AGPS: variants seen among roughly 807,000 people sequenced by gnomAD.
AGPS encodes alkylglycerone phosphate synthase.
AGPS carries 26 observed loss-of-function variants against 90.7 expected under a neutral mutation model. That is an observed-to-expected ratio of 0.29 (90% CI 0.21 to 0.40). AGPS has a LOEUF of 0.40. Ranked by LOEUF, AGPS falls within the 10% of genes least tolerant of loss-of-function variation. AGPS has a pLI of 1.00. For missense variants in AGPS, 540 were observed against 816.1 expected, an observed-to-expected ratio of 0.66 and a Z score of 4.12; for synonymous variants, 294 against 285.3, an observed-to-expected ratio of 1.03 and a Z score of -0.31.
intron 16 of AGPS, among the ~76,000 whole-genome samples, chr2:177,509,111 T>C (rs1688791344): frequency 6.6e-6 from 1 of 152,220 alleles, no homozygotes; most frequent in African/African-American, 2.4e-5. Flanking sequence ...TCCCTCTTTT[T>C]TCCCCCAGAA....
intron 12 of AGPS, among the ~76,000 whole-genome samples, chr2:177,496,141 T>C (rs1419989329): frequency 1.3e-5 from 2 of 152,172 alleles, no homozygotes; most frequent in African/African-American, 4.8e-5. Context: ...TCTACTAGCA[T>C]TAATGGAAAT....
At chr2:177,490,131 A>G (rs1382260259) in intron 11 of AGPS, among the ~76,000 whole-genome samples, 1 of 152,166 alleles carries the variant, frequency 6.6e-6, no homozygotes, top group Non-Finnish European at 1.5e-5. Context: ...ACTCAAATTG[A>G]TGTTGTTTTT....
intron 11 of AGPS, among the ~76,000 whole-genome samples, 172 bp from the exon 12 acceptor site, chr2:177,492,976 A>G (rs1188035775): frequency 2.0e-5 from 3 of 152,288 alleles, no homozygotes; most frequent in Admixed American, 2.0e-4. Flanking sequence ...TATAGAAGTC[A>G]TTGATATTTG....
At chr2:177,451,226 G>T (rs1012461817) in intron 8 of AGPS, among the ~76,000 whole-genome samples, 1 of 151,926 alleles carries the variant, frequency 6.6e-6, no homozygotes, top group Non-Finnish European at 1.5e-5. Context: ...AAAGTGTTGG[G>T]ATTATCGGTA....
chr2:177,497,402 CTA>C (rs1156918458), intron 12 of AGPS, among the ~76,000 whole-genome samples: 2 of 151,598 alleles, frequency 1.3e-5, no homozygotes, highest in Non-Finnish European at 3.0e-5. Flanking sequence ...AAAACCTAAA[CTA>C]TGTGTAGTAT....
At chr2:177,491,961 T>C (rs1395294291) in intron 11 of AGPS, among the ~76,000 whole-genome samples, 2 of 151,974 alleles carry the variant, frequency 1.3e-5, no homozygotes, top group African/African-American at 2.4e-5. Flanking sequence ...AATTTTTGTG[T>C]TTTTAGTAGA....
At chr2:177,429,490 A>G (rs1686175693) in intron 2 of AGPS, among the ~76,000 whole-genome samples, 1 of 151,524 alleles carries the variant, frequency 6.6e-6, no homozygotes, top group Non-Finnish European at 1.5e-5. Flanking sequence ...TTTGAGTGGG[A>G]TTTTTGTGTG....
At chr2:177,448,200 C>CAA (rs1686833162) in intron 8 of AGPS, among the ~76,000 whole-genome samples, 1 of 152,092 alleles carries the variant, frequency 6.6e-6, no homozygotes, top group African/African-American at 2.4e-5. Flanking sequence ...TGACCTTGGG[C>CAA]AAGTTACTCA....
intron 8 of AGPS, among the ~76,000 whole-genome samples, chr2:177,446,083 A>C (rs1686760059): frequency 6.6e-6 from 1 of 152,166 alleles, no homozygotes; most frequent in African/African-American, 2.4e-5. Flanking sequence ...AGTCTGAGTT[A>C]GCAAAAAAGG....
At chr2:177,413,691 A>G (rs1432804300) in intron 1 of AGPS, among the ~76,000 whole-genome samples, 1 of 152,104 alleles carries the variant, frequency 6.6e-6, no homozygotes, top group Non-Finnish European at 1.5e-5. Context: ...GCAGATTTGG[A>G]TTGTTTTCCT....
rs182455167 is a variant in AGPS, at chr2:177,406,005, C to T, written c.260+12956C>T. ...GTCCTCCACTGTTTCTCTTCACTTC[C>T]GCCATTATTTAGATGCCCAAGTCCA... On this transcript the variant is annotated intron_variant, in intron 1 of 19. Transcript: ENST00000264167. Among the ~76,000 whole-genome samples the T allele has an allele frequency of 3.3e-5, 5 of 152,110 alleles. No individual in the cohort carries two copies. The East Asian group carries it at 5.8e-4, about 18-fold the overall frequency.
intron 1 of AGPS, among the ~76,000 whole-genome samples, chr2:177,419,217 A>G (rs1685874131): frequency 6.6e-6 from 1 of 151,856 alleles, no homozygotes; most frequent in African/African-American, 2.4e-5. Context: ...TAATAAAAAA[A>G]CTTGCTTGTC....
chr2:177,461,487 CTTTA>C (rs1049779879), intron 8 of AGPS, among the ~76,000 whole-genome samples: 23 of 152,120 alleles, frequency 1.5e-4, no homozygotes, highest in Admixed American at 2.6e-4. Context: ...AGATTAAGTG[CTTTA>C]TTTATTGAAA....
rs757967594 is a variant in AGPS at position 177,521,360 on chromosome 2, C to G, written c.1789C>G (p.Gln597Glu). 4 of 1,612,704 alleles carry G rather than the reference C, an allele frequency of 2.5e-6. No homozygotes were observed. The South Asian group carries it at 4.4e-5, about 18-fold the overall frequency. ...TAGTGACCCACTGACCGTATTTGAACAAACTGAGGTAATTTTGCATACCTG... is the reference window on the plus strand; with the variant it reads ...TAGTGACCCACTGACCGTATTTGAAGAAACTGAGGTAATTTTGCATACCTG... ...GISDPLTVFE[Q>E]TEAAAREEIL... The change falls in exon 18 of 20, where the codon CAA (glutamine) becomes GAA (glutamate). Residue 597 changes from glutamine (Q) to glutamate (E), a missense_variant. Coordinates refer to ENST00000264167, the MANE Select transcript of AGPS (RefSeq NM_003659.4).
At chr2:177,407,507 G>A (rs1278559177) in intron 1 of AGPS, among the ~76,000 whole-genome samples, 1 of 152,130 alleles carries the variant, frequency 6.6e-6, no homozygotes, top group Non-Finnish European at 1.5e-5. Context: ...GCAGGAGCAA[G>A]AGTTGAGGTT....
In AGPS at chr2:177,516,846, C is replaced by G. The variant is rs16865322; in HGVS notation, c.1697+2938C>G. 4.0e-3 allele frequency among the ~76,000 whole-genome samples: 611 copies of G among 152,186 alleles called. 5 individuals carry two copies. The highest frequency in any genetic ancestry group is 0.032 in the East Asian group (167 of 5,188). On this transcript the variant is annotated intron_variant, in intron 17 of 19. Transcript: ENST00000264167. ...AATTTGGTTATTCCTAATGATAGTG[C>G]CCTTGGAGTTAAAATGGTTCTCCGT... is the stretch of plus-strand genomic sequence containing the variant.
chr2:177,523,841 T>C (rs1011440454), intron 19 of AGPS, 36 bp downstream of exon 19: 13 of 1,543,538 alleles, frequency 8.4e-6, no homozygotes, highest in African/African-American at 1.4e-5. Context: ...CTAATATTCT[T>C]ACTTTAAAAA....
chr2:177,494,001 G>A (rs1025879791), intron 12 of AGPS, among the ~76,000 whole-genome samples: 1 of 152,196 alleles, frequency 6.6e-6, no homozygotes, highest in African/African-American at 2.4e-5. Flanking sequence ...TGATTGGGTA[G>A]ATTAAATAAC....
In AGPS at chr2:177,468,506, T is replaced by C. The variant is rs1165584137; in HGVS notation, c.1087T>C (p.Phe363Leu). ...GTCAACAGGCCCTGATATCCATCACTTCATCATGGGATCTGAAGGTAAATA... is the reference window on the plus strand; with the variant it reads ...GTCAACAGGCCCTGATATCCATCACCTCATCATGGGATCTGAAGGTAAATA... ...RMSTGPDIHHFIMGSEGTLGV... is the reference protein window; with the variant it reads ...RMSTGPDIHHLIMGSEGTLGV... Residue 363 changes from phenylalanine to leucine, a missense_variant, in exon 10 of 20, where the codon TTC becomes CTC. Around this residue, in one of 2 missense-constraint regions of AGPS, gnomAD observed 405 missense variants for 692.1 expected, o/e 0.59. Coordinates refer to ENST00000264167, the MANE Select transcript of AGPS (RefSeq NM_003659.4). The C allele has an allele frequency of 6.2e-7, 1 of 1,610,792 alleles. No individual in the cohort carries two copies. Among genetic ancestry groups the C allele is most frequent in the Non-Finnish European group, 8.5e-7 (1 of 1,177,456 alleles).
Sources: gnomAD v4.1 joint callset for allele counts (sites outside exome capture counted in the v4.1 genomes callset) on GRCh38, gnomAD v4.1.1 for gene constraint, gnomAD v4.1.1 regional missense constraint, MANE v1.5 for transcripts, NCBI Gene and HGNC (gene_info 2026-07-23, HGNC 2026-07-21) for gene names.